The following ANO1 variants were observed in gnomAD, a reference collection of about 807,000 sequenced individuals.
ANO1 encodes anoctamin 1.
Under a neutral mutation model 124.0 loss-of-function variants are expected in ANO1, and 59 were observed. The ratio of observed to expected loss-of-function variants is 0.48; its 90% CI spans 0.39 to 0.59. The LOEUF (loss-of-function observed/expected upper bound fraction) is 0.59. Among genes scored for constraint, ANO1 ranks in the 20% least tolerant of loss-of-function variants. The pLI is 0.00. For missense variants in ANO1, 1,059 were observed against 1,328.0 expected (o/e 0.80, Z 3.15); for synonymous variants, 529 against 532.0 (o/e 0.99, Z 0.08).
the ANO1 span, among the ~76,000 whole-genome samples, chr11:69,969,703 C>A: frequency 1.3e-5 from 2 of 152,226 alleles, no homozygotes; most frequent in East Asian, 3.9e-4. Flanking sequence ...AATCCCAGCA[C>A]TTTGGGAGGC....
intron 2 of ANO1, among the ~76,000 whole-genome samples, chr11:70,102,317 G>T (rs559781454): frequency 3.3e-5 from 5 of 152,314 alleles, no homozygotes; most frequent in African/African-American, 7.2e-5. Flanking sequence ...CATGAAGGTT[G>T]ATGGAGTCGG....
At chr11:69,999,809 A>G (rs911415213) in intron 1 of ANO1, among the ~76,000 whole-genome samples, 1 of 152,192 alleles carries the variant, frequency 6.6e-6, no homozygotes, top group Non-Finnish European at 1.5e-5. Context: ...CTGAGGATCA[A>G]ACAGGCTGGG....
intron 1 of ANO1, among the ~76,000 whole-genome samples, chr11:70,010,179 G>GTGTATGTATATATATATATATATATA: frequency 1.2e-5 from 1 of 83,776 alleles, no homozygotes; most frequent in Non-Finnish European, 2.4e-5. Context: ...GTGTGTGTGT[G>GTGTATGTATATATATATATATATATA]TATATATATA....
intron 1 of ANO1, among the ~76,000 whole-genome samples, chr11:70,038,399 T>C (rs906638432): frequency 6.6e-6 from 1 of 152,196 alleles, no homozygotes; most frequent in Admixed American, 6.5e-5. Flanking sequence ...CATAGGACAA[T>C]TGCATCAGGT....
Position 70,041,653 on chromosome 11 carries a change from G to A in ANO1, c.59-36889G>A, listed in dbSNP as rs150100907. 2.6e-5 allele frequency among the ~76,000 whole-genome samples: 4 copies of A among 152,072 alleles called. No homozygotes were observed. The East Asian group carries it at 7.8e-4, about 30-fold the overall frequency. On this transcript the variant is annotated intron_variant, in intron 1 of 27. Transcript: ENST00000531349. ...ACCACAGGGGCAGACATTTTTGTCT[G>A]TTTTGATAGCTGCTGTAATCCCCAG...
chr11:70,156,298 G>A (rs1350031532), intron 15 of ANO1, among the ~76,000 whole-genome samples: 2 of 152,132 alleles, frequency 1.3e-5, no homozygotes, highest in Non-Finnish European at 2.9e-5. Flanking sequence ...ACCCCAGAAC[G>A]AGTGGCCTCC....
rs1445212748 is a variant in ANO1, at chr11:70,120,107, C to G, written c.897+3608C>G. ...GTGGCAGGAGCCCCACGTGCCTGAC[C>G]CTGGATACCTCACAGGGCAGAAATG... On this transcript the variant is annotated intron_variant, in intron 8 of 25. Coordinates refer to ENST00000355303, the MANE Select transcript of ANO1 (RefSeq NM_018043.7). 2.6e-5 allele frequency among the ~76,000 whole-genome samples: 4 copies of G among 152,070 alleles called. No individual in the cohort carries two copies. In the East Asian group the frequency reaches 7.7e-4, roughly 29 times the overall value.
intron 1 of ANO1, among the ~76,000 whole-genome samples, chr11:69,994,285 A>G (rs1856218411): frequency 6.6e-6 from 1 of 152,104 alleles, no homozygotes. Context: ...AAGCATAAAT[A>G]TTTCATTTTG....
intron 1 of ANO1, among the ~76,000 whole-genome samples, chr11:70,008,603 G>A (rs12788776): frequency 0.021 from 3,214 of 150,272 alleles, 56 homozygotes; most frequent in Middle Eastern, 0.067. Flanking sequence ...TGGCCTATGC[G>A]TCTTTCTTTC....
intron 1 of ANO1, among the ~76,000 whole-genome samples, chr11:70,002,165 T>G (rs1554999371): frequency 6.6e-6 from 1 of 151,938 alleles, no homozygotes. Context: ...TAAAAATACT[T>G]ACCAGCTGAG....
At chr11:70,100,155 T>C (rs999431788) in intron 2 of ANO1, among the ~76,000 whole-genome samples, 8 of 152,092 alleles carry the variant, frequency 5.3e-5, no homozygotes, top group African/African-American at 1.9e-4. Flanking sequence ...GGGTCCGTGC[T>C]CCTGCAAAGC....
At position 70,105,424 on chromosome 11, in the gene ANO1, T is replaced by G. The variant is rs11234307; in HGVS notation, c.693-310T>G. On this transcript the variant is annotated intron_variant, in intron 4 of 25. Transcript: ENST00000355303. ...CTTTCAAAACTGCCCACTGAGGATG[T>G]CATCAAAAGGAAGCAGGGATCTTCT... 4.7e-4 allele frequency among the ~76,000 whole-genome samples: 69 copies of G among 146,656 alleles called. No homozygotes were observed. In the East Asian group the frequency reaches 0.014, roughly 30 times the overall value.
chr11:70,006,742 T>C (rs1209617361), intron 1 of ANO1, among the ~76,000 whole-genome samples: 1 of 136,206 alleles, frequency 7.3e-6, no homozygotes, highest in Non-Finnish European at 1.5e-5. Context: ...CGATCTTGGC[T>C]CACTGCAACC....
At chr11:70,156,031 C>T in intron 15 of ANO1, 43 bp downstream of exon 15, 3 of 1,436,156 alleles carry the variant, frequency 2.1e-6, no homozygotes, top group South Asian at 1.4e-5. Context: ...TGACTGTTTG[C>T]AGGCAATCAA....
intron 24 of ANO1, among the ~76,000 whole-genome samples, chr11:70,184,266 A>G (rs1419211521): frequency 6.6e-6 from 1 of 152,124 alleles, no homozygotes; most frequent in African/African-American, 2.4e-5. Context: ...GGAGGGAGGG[A>G]GGCCCTAGGC....
At chr11:70,006,897 T>C (rs1555000180) in intron 1 of ANO1, among the ~76,000 whole-genome samples, 3 of 152,180 alleles carry the variant, frequency 2.0e-5, no homozygotes, top group Admixed American at 1.3e-4. Context: ...CTCGAACTCC[T>C]GACTTCAGGT....
At chr11:69,986,798 C>G (rs1464365620) in intron 1 of ANO1, among the ~76,000 whole-genome samples, 1 of 152,116 alleles carries the variant, frequency 6.6e-6, no homozygotes. Flanking sequence ...GACCCAAGCC[C>G]TGTTTCCTGG....
intron 1 of ANO1, among the ~76,000 whole-genome samples, chr11:70,067,757 C>A (rs1857768295): frequency 6.6e-6 from 1 of 152,334 alleles, no homozygotes; most frequent in Non-Finnish European, 1.5e-5. Flanking sequence ...GACCTCCCGA[C>A]CCCCTGCCCC....
intron 22 of ANO1, among the ~76,000 whole-genome samples, chr11:70,172,132 A>AAAAG (rs1555052152): frequency 1.1e-4 from 16 of 141,574 alleles, no homozygotes; most frequent in Admixed American, 2.2e-4. Context: ...AAAAAAAAAA[A>AAAAG]AAAAGAAAAG....
Sources: allele counts gnomAD v4.1 joint callset (sites outside exome capture counted in the v4.1 genomes callset), GRCh38; gene constraint gnomAD v4.1.1; transcripts MANE v1.5; gene names NCBI Gene and HGNC (gene_info 2026-07-23, HGNC 2026-07-21).